The following TRAPPC11 variants were observed in gnomAD, a reference collection of about 807,000 sequenced individuals.
The protein encoded by TRAPPC11 is trafficking protein particle complex subunit 11.
TRAPPC11 carries 104 observed loss-of-function variants against 151.2 expected under a neutral mutation model. The observed-to-expected ratio is 0.69, with a 90% CI of 0.59 to 0.81. TRAPPC11 has a LOEUF of 0.81. Ranked by LOEUF, TRAPPC11 falls within the 30% of genes least tolerant of loss-of-function variation. TRAPPC11 has a pLI of 0.00. For synonymous variants in TRAPPC11, 456 were observed against 472.3 expected (o/e 0.97, Z 0.45); for missense variants, 1,230 against 1,349.6 (o/e 0.91, Z 1.39).
intron 23 of TRAPPC11, among the ~76,000 whole-genome samples, chr4:183,697,153 A>G (rs1736576404): frequency 1.3e-5 from 2 of 152,116 alleles, no homozygotes; most frequent in South Asian, 4.1e-4. Context: ...GCAAGACCCC[A>G]TCTCTAAAAC....
intron 29 of TRAPPC11, among the ~76,000 whole-genome samples, chr4:183,710,069 T>C (rs1048034512): frequency 1.5e-4 from 23 of 152,192 alleles, no homozygotes; most frequent in Admixed American, 1.2e-3. Context: ...TTGATCATAT[T>C]CTAGCTGCAC....
chr4:183,669,762 C>T (rs1267289635), intron 5 of TRAPPC11, among the ~76,000 whole-genome samples: 2 of 152,124 alleles, frequency 1.3e-5, no homozygotes, highest in Admixed American at 6.6e-5. Flanking sequence ...ATTACCTGGC[C>T]GAAATGTCAG....
chr4:183,709,849 T>A (rs1210949802), intron 29 of TRAPPC11, among the ~76,000 whole-genome samples: 3 of 152,142 alleles, frequency 2.0e-5, no homozygotes, highest in Non-Finnish European at 4.4e-5. Flanking sequence ...TTTTTAAATA[T>A]TTTCGCCAGA....
intron 11 of TRAPPC11, 35 bp downstream of exon 11, chr4:183,682,860 C>T (rs768079683): frequency 7.2e-7 from 1 of 1,390,314 alleles, no homozygotes; most frequent in East Asian, 2.3e-5. Context: ...TTCCTCTCAA[C>T]CTCAAAAGGC....
Position 183,690,545 on chromosome 4 carries a change from A to T in TRAPPC11, c.1894-771A>T, listed in dbSNP as rs140801262. ...TAGACAGTTGTGGATATAAGCTTGT[A>T]ATTAAGGAAATAAGACAGAATAGGA... On this transcript the variant is annotated intron_variant, in intron 18 of 29. Coordinates refer to ENST00000334690, the MANE Select transcript of TRAPPC11 (RefSeq NM_021942.6). 1.7e-3 allele frequency among the ~76,000 whole-genome samples: 253 copies of T among 152,308 alleles called. 1 individual carries two copies. Among genetic ancestry groups the T allele is most frequent in the African/African-American group, 5.6e-3 (233 of 41,574 alleles).
chr4:183,684,984 A>G (rs1561044998), intron 15 of TRAPPC11, 100 bp from the exon 16 acceptor site: 2 of 1,315,882 alleles, frequency 1.5e-6, no homozygotes, highest in Non-Finnish European at 2.1e-6. Context: ...GTCATCTTAA[A>G]GAGGTATTTA....
rs760883921 is a variant in TRAPPC11, at chr4:183,694,053, C to T, written c.2508+15C>T. The T allele has an allele frequency of 1.9e-6, 3 of 1,611,560 alleles. No homozygotes were observed. In the East Asian group the frequency reaches 6.7e-5, roughly 36 times the overall value. On this transcript the variant is annotated intron_variant, in intron 22 of 29. Coordinates refer to ENST00000334690, the MANE Select transcript of TRAPPC11 (RefSeq NM_021942.6). ...CAGGGGAACAGGTAAACTTGGTCAA[C>T]TGGGATTGAAGAGGAAATCAATTAG...
chr4:183,661,957 A>C (rs924677057), intron 1 of TRAPPC11, among the ~76,000 whole-genome samples: 1 of 151,640 alleles, frequency 6.6e-6, no homozygotes, highest in African/African-American at 2.4e-5. Context: ...TAGAGACAGG[A>C]TCTCACTATG....
chr4:183,697,447 C>T (rs1736590908), intron 23 of TRAPPC11, 56 bp from the exon 24 acceptor site: 3 of 1,537,326 alleles, frequency 2.0e-6, no homozygotes, highest in Non-Finnish European at 1.8e-6. Flanking sequence ...TTTTTTAAAA[C>T]TTTATATAAA....
intron 2 of TRAPPC11, among the ~76,000 whole-genome samples, chr4:183,665,351 C>T (rs886177651): frequency 2.6e-5 from 4 of 152,104 alleles, no homozygotes; most frequent in African/African-American, 4.8e-5. Flanking sequence ...ACCTTGGCCT[C>T]CCAAAGTGCT....
chr4:183,673,530 T>C (rs898050736), intron 5 of TRAPPC11, among the ~76,000 whole-genome samples: 1 of 151,898 alleles, frequency 6.6e-6, no homozygotes, highest in African/African-American at 2.4e-5. Context: ...AAAAATTAGC[T>C]GGGCGTGGTC....
In TRAPPC11 at chr4:183,692,957, T is replaced by C. The variant is rs768168477; in HGVS notation, c.2050-3T>C. 22 of 1,591,022 alleles carry C rather than the reference T, an allele frequency of 1.4e-5. No individual in the cohort carries two copies. The highest frequency in any genetic ancestry group is 1.9e-5 in the Non-Finnish European group (22 of 1,168,862). On this transcript the variant is annotated splice_region_variant and splice_polypyrimidine_tract_variant and intron_variant, in intron 19 of 29. Transcript: ENST00000334690. ...TTTCCAACATCCTTTTTTTTCTTTT[T>C]AGATTACTTCAGTGGATCTTGCTCT... is the stretch of plus-strand genomic sequence containing the variant.
rs1737211145 is a variant in TRAPPC11, at chr4:183,708,963, C to T, written c.3357+389C>T. Among the ~76,000 whole-genome samples the T allele has an allele frequency of 2.0e-5, 3 of 151,672 alleles. No homozygotes were observed. In the South Asian group the frequency reaches 6.3e-4, roughly 32 times the overall value. On this transcript the variant is annotated intron_variant, in intron 29 of 29. Transcript: ENST00000334690. ...GATTTAGCTCTCTTCTGAAAATGAT[C>T]ATCTCTCAGAAACTATACTCTGATT...
chr4:183,678,521 G>A (rs1030766726), intron 8 of TRAPPC11, among the ~76,000 whole-genome samples: 4 of 152,170 alleles, frequency 2.6e-5, no homozygotes, highest in Admixed American at 1.3e-4. Flanking sequence ...TGAGAATGAG[G>A]CCGCTCTATG....
intron 27 of TRAPPC11, 21 bp downstream of exon 27, chr4:183,705,091 C>T (rs1335336485): frequency 2.7e-6 from 4 of 1,506,186 alleles, no homozygotes; most frequent in Admixed American, 1.7e-5. Context: ...TCAAATTTTA[C>T]TTGATAAGAA....
At chr4:183,664,093 G>A in intron 2 of TRAPPC11, 22 bp downstream of exon 2, 2 of 1,583,970 alleles carry the variant, frequency 1.3e-6, no homozygotes, top group Non-Finnish European at 1.7e-6. Flanking sequence ...GTGATGGCAT[G>A]TGTTCTTTCC....
intron 29 of TRAPPC11, among the ~76,000 whole-genome samples, chr4:183,712,331 C>T (rs1365950075): frequency 1.3e-5 from 2 of 152,132 alleles, no homozygotes; most frequent in African/African-American, 2.4e-5. Context: ...GAGGATTCTT[C>T]GGGTGGAAGT....
rs369369666 is a variant in TRAPPC11, at chr4:183,684,444, G to A, written c.1421+85G>A. ...ATAGAAATCAGTGTTGAAGGAGTTCGTATTTTCATATTTATTTCTATTGTT... is the reference window on the plus strand; with the variant it reads ...ATAGAAATCAGTGTTGAAGGAGTTCATATTTTCATATTTATTTCTATTGTT... On this transcript the variant is annotated intron_variant, in intron 14 of 29. Transcript: ENST00000334690. 1.1e-3 allele frequency: 1,329 copies of A among 1,247,790 alleles called. 1 individual carries two copies. The highest frequency in any genetic ancestry group is 1.4e-3 in the Non-Finnish European group (1,207 of 887,356). 77.3% of individuals were successfully genotyped at this position (1,247,790 alleles called of 1,614,324 possible). A position where few individuals can be genotyped will look rare whatever the true frequency, so the allele number is the denominator to read the frequency against.
rs377162388 is a variant in TRAPPC11, at chr4:183,697,616, G to A, written c.2694+48G>A. On this transcript the variant is annotated intron_variant, in intron 24 of 29. Transcript: ENST00000334690. ...AGAAATCATTTAGGTTATAAAAATG[G>A]ACTGAAATGATAAAATGGATTAAGG... 7.6e-5 allele frequency: 122 copies of A among 1,606,398 alleles called. 3 individuals are homozygous for A. In the South Asian group the frequency reaches 1.3e-3, roughly 17 times the overall value.
Sources: gnomAD v4.1 joint callset for allele counts (sites outside exome capture counted in the v4.1 genomes callset) on GRCh38, gnomAD v4.1.1 for gene constraint, MANE v1.5 for transcripts, NCBI Gene and HGNC (gene_info 2026-07-23, HGNC 2026-07-21) for gene names.